The following SLC26A4 variants were observed in gnomAD, a reference collection of about 807,000 sequenced individuals.
SLC26A4 encodes the protein pendrin.
A neutral mutation model predicts 90.4 loss-of-function variants in SLC26A4; 93 were observed. The observed-to-expected ratio is 1.03, with a 90% CI of 0.87 to 1.22. The LOEUF is 1.22. Ranked by LOEUF, SLC26A4 falls within the 50% of genes most tolerant of loss-of-function variation. The pLI is 0.00. For synonymous variants in SLC26A4, 393 were observed against 354.6 expected, an observed-to-expected ratio of 1.11 and a Z score of -1.22; for missense variants, 1,127 against 946.2, an observed-to-expected ratio of 1.19 and a Z score of -2.51.
intron 6 of SLC26A4, among the ~76,000 whole-genome samples, chr7:107,678,460 C>A (rs1791083726): frequency 6.6e-6 from 1 of 152,182 alleles, no homozygotes; most frequent in South Asian, 2.1e-4. Context: ...AGAAATAGTT[C>A]TTCTGGTCTC....
In SLC26A4 at chr7:107,710,046, T is replaced by C. The variant is rs1427562790; in HGVS notation, c.2090-8T>C. The C allele has an allele frequency of 6.2e-7, 1 of 1,612,046 alleles. No individual in the cohort carries two copies. Among genetic ancestry groups the C allele is most frequent in the Non-Finnish European group, 8.5e-7 (1 of 1,178,316 alleles). On this transcript the variant is annotated splice_polypyrimidine_tract_variant and splice_region_variant and intron_variant, in intron 18 of 20. Transcript: ENST00000644269. ...GAACTAACAAAACATTGTGTCTTTCTTTTGAAGATTATGTGATAGAAAAGC... is the reference window on the plus strand; with the variant it reads ...GAACTAACAAAACATTGTGTCTTTCCTTTGAAGATTATGTGATAGAAAAGC...
In SLC26A4 at chr7:107,661,283, T is replaced by G; in HGVS notation, c.-3-356T>G. 1.9e-5 allele frequency: 7 copies of G among 364,592 alleles called. No individual in the cohort carries two copies. Among genetic ancestry groups the G allele is most frequent in the Admixed American group, 4.2e-5 (1 of 23,566 alleles). 22.6% of individuals were successfully genotyped at this position (364,592 alleles called of 1,614,324 possible). Reference sequence around the variant, plus strand: ...TTTGGCCCCTGCCCCAGCCCCTCGGTTTGGGGGAGATTTCAGAACGCGGAC... The same window carrying G: ...TTTGGCCCCTGCCCCAGCCCCTCGGGTTGGGGGAGATTTCAGAACGCGGAC... On this transcript the variant is annotated intron_variant, in intron 1 of 20. Transcript: ENST00000644269. The surrounding 1 kb of genome is among the most constrained non-coding windows in gnomAD (Gnocchi z 5.1).
intron 20 of SLC26A4, among the ~76,000 whole-genome samples, chr7:107,714,700 T>A (rs1792293883): frequency 1.3e-5 from 2 of 152,138 alleles, no homozygotes; most frequent in African/African-American, 2.4e-5. Flanking sequence ...GGCATGGACT[T>A]TAGAACAAGA....
At chr7:107,697,417 A>C (rs1026966138) in intron 13 of SLC26A4, among the ~76,000 whole-genome samples, 1 of 152,208 alleles carries the variant, frequency 6.6e-6, no homozygotes, top group African/African-American at 2.4e-5. Context: ...AAAGTACACT[A>C]AACAGATACT....
At chr7:107,701,687 G>A (rs1428822260) in intron 16 of SLC26A4, 140 bp from the exon 17 acceptor site, 12 of 688,544 alleles carry the variant, frequency 1.7e-5, no homozygotes, top group Admixed American at 1.1e-4. Flanking sequence ...GGGCTGAGGT[G>A]AAACCCATCC....
At chr7:107,688,754 G>A (rs1266976951) in intron 8 of SLC26A4, among the ~76,000 whole-genome samples, 4 of 152,162 alleles carry the variant, frequency 2.6e-5, no homozygotes, top group African/African-American at 9.7e-5. Flanking sequence ...CATGGATGGG[G>A]CTGTATGATA....
At chr7:107,693,396 T>A in intron 10 of SLC26A4, 13 of 985,456 alleles carry the variant, frequency 1.3e-5, no homozygotes, top group Non-Finnish European at 1.6e-5. Flanking sequence ...GTAGAGCAAG[T>A]GCTTTCTAAT....
chr7:107,694,658 G>A lies in SLC26A4; in HGVS notation c.1379G>A (p.Gly460Glu), dbSNP rs1165521917. 2 of 1,613,648 alleles carry A rather than the reference G, an allele frequency of 1.2e-6. No homozygotes were observed. Among genetic ancestry groups the A allele is most frequent in the Non-Finnish European group, 1.7e-6 (2 of 1,179,740 alleles). ...GCTGTTGTAATTGCCAACCTGAAAG[G>A]GATGTTTATGCAGCTGTGTGACATT... is the stretch of plus-strand genomic sequence containing the variant. ...LAAVVIANLK[G>E]MFMQLCDIPR... The change falls in exon 12 of 21, where the codon GGG (glycine) becomes GAG (glutamate). Residue 460 changes from glycine to glutamate, a missense_variant. Physicochemically the swap from Gly to Glu is moderately conservative, Grantham distance 98. Coordinates refer to ENST00000644269, the MANE Select transcript of SLC26A4 (RefSeq NM_000441.2).
chr7:107,666,460 T>C (rs183318257), intron 3 of SLC26A4, among the ~76,000 whole-genome samples: 1 of 152,142 alleles, frequency 6.6e-6, no homozygotes, highest in African/African-American at 2.4e-5. Context: ...AGGCTCAAGT[T>C]ATCTGCCTGC....
chr7:107,686,441 C>CTT lies in SLC26A4; in HGVS notation c.1002-2610_1002-2609dup, dbSNP rs1554357988. 2.6e-3 allele frequency among the ~76,000 whole-genome samples: 305 copies of CTT among 116,790 alleles called. 7 individuals carry two copies. Among genetic ancestry groups the CTT allele is most frequent in the African/African-American group, 8.4e-3 (245 of 29,014 alleles). The allele number at this position is 116,790 out of a possible 152,430, so 76.6% of individuals were successfully genotyped here. A position where few individuals can be genotyped will look rare whatever the true frequency, so the allele number is the denominator to read the frequency against. On this transcript the variant is annotated intron_variant, in intron 8 of 20. Transcript: ENST00000644269. The stretch of plus-strand genomic sequence containing the variant: ...TCTTTCTTTCTTTCTTTCTTTCTTT[C>CTT]TTTCTTTCTTTCTTTTCTTTCTTTC...
chr7:107,672,311 G>A (rs1309444734), intron 4 of SLC26A4, 63 bp downstream of exon 4: 7 of 962,964 alleles, frequency 7.3e-6, no homozygotes, highest in Non-Finnish European at 1.1e-5. Context: ...GCTATATTAA[G>A]TGCATTATAC....
intron 17 of SLC26A4, 117 bp downstream of exon 17, chr7:107,702,174 T>C (rs1791913079): frequency 2.7e-6 from 2 of 742,788 alleles, no homozygotes; most frequent in Non-Finnish European, 4.8e-6. Flanking sequence ...TCTAGGTGAA[T>C]GCTTTTGTAA....
Position 107,712,600 on chromosome 7 carries a change from A to G in SLC26A4, c.2297A>G (p.Glu766Gly), listed in dbSNP as rs745757821. The G allele has an allele frequency of 1.9e-6, 3 of 1,576,964 alleles. No individual in the cohort carries two copies. The South Asian group carries it at 3.3e-5, about 17-fold the overall frequency. Residue 766 changes from glutamate (E) to glycine (G), a missense_variant, in exon 20 of 21, where the codon GAA (glutamate) becomes GGA (glycine). Transcript: ENST00000644269. The stretch of plus-strand genomic sequence containing the variant: ...TTAATAGAAACAGAGCTGACGGAAG[A>G]AGAACTTGATGTCCAGGATGAGGTA... Reference protein sequence around the residue: ...LELIETELTEEELDVQDEAMR... With the variant: ...LELIETELTEGELDVQDEAMR...
rs367627846 is a variant in SLC26A4 at position 107,690,275 on chromosome 7, C to G, written c.1263+38C>G. The G allele has an allele frequency of 8.1e-6, 10 of 1,229,494 alleles. No homozygotes were observed. The South Asian group carries it at 1.2e-4, about 15-fold the overall frequency. 76.2% of individuals were successfully genotyped at this position (1,229,494 alleles called of 1,614,324 possible). ...GCCTTATGATATCCATCTCAGAGAA[C>G]AAGTCGAGGAATGGCAACAGAGGAA... On this transcript the variant is annotated intron_variant, in intron 10 of 20. Transcript: ENST00000644269.
At chr7:107,700,212 TC>T (rs1327922554) in intron 15 of SLC26A4, 37 bp downstream of exon 15, 5 of 1,034,282 alleles carry the variant, frequency 4.8e-6, no homozygotes, top group Non-Finnish European at 7.7e-6. Flanking sequence ...TTTTCTAACC[TC>T]TTTTGAGACT....
intron 3 of SLC26A4, 69 bp downstream of exon 3, chr7:107,663,504 G>A (rs1562818719): frequency 6.5e-7 from 1 of 1,542,286 alleles, no homozygotes; most frequent in South Asian, 1.1e-5. Flanking sequence ...AGCTACCATA[G>A]GTCTGTGACA....
rs368209071 is a variant in SLC26A4, at chr7:107,673,571, TC to T, written c.416-589del. Among the ~76,000 whole-genome samples, 11 of 152,208 alleles carry T rather than the reference TC, an allele frequency of 7.2e-5. No homozygotes were observed. In the East Asian group the frequency reaches 1.5e-3, roughly 21 times the overall value. On this transcript the variant is annotated intron_variant, in intron 4 of 20. Coordinates refer to ENST00000644269, the MANE Select transcript of SLC26A4 (RefSeq NM_000441.2). ...CCTTTCCTGACAACTCTCATCCCTG[TC>T]CCCACCACCCATACACATGAGGATC...
intron 20 of SLC26A4, 30 bp from the exon 21 acceptor site, chr7:107,715,393 C>T: frequency 6.2e-7 from 1 of 1,600,230 alleles, no homozygotes; most frequent in Non-Finnish European, 8.6e-7. Context: ...TCAGTTGTAT[C>T]AACACTTTGT....
At chr7:107,690,016 C>A in intron 9 of SLC26A4, 108 bp from the exon 10 acceptor site, 1 of 788,476 alleles carries the variant, frequency 1.3e-6, no homozygotes, top group Non-Finnish European at 2.3e-6. Flanking sequence ...GACCACCACG[C>A]AGAGTAGGCA....
Sources: allele counts gnomAD v4.1 joint callset (sites outside exome capture counted in the v4.1 genomes callset), GRCh38; gene constraint gnomAD v4.1.1; non-coding constraint Gnocchi (gnomAD v3.1); transcripts MANE v1.5; gene names NCBI Gene and HGNC (gene_info 2026-07-23, HGNC 2026-07-21).